Variants in CSMD1 observed in about 807,000 individuals in gnomAD.
CSMD1 encodes the protein CUB and Sushi multiple domains 1.
Under a neutral mutation model 417.5 loss-of-function variants are expected in CSMD1, and 213 were observed. That is an observed-to-expected ratio of 0.51 (90% confidence interval 0.46 to 0.57). The LOEUF is 0.57. CSMD1 is among the 20% of genes least tolerant of loss of function. CSMD1 has a pLI of 0.00. For synonymous variants in CSMD1, 2,862 were observed against 1,736.8 expected (o/e 1.65, Z -16.11); for missense variants, 6,923 against 4,529.7 (o/e 1.53, Z -15.17).
At chr8:4,325,565 G>C (rs183939426) in intron 3 of CSMD1, among the ~76,000 whole-genome samples, 3 of 152,260 alleles carry the variant, frequency 2.0e-5, no homozygotes, top group Non-Finnish European at 2.9e-5. Flanking sequence ...TACCTTGTTA[G>C]CTTTTCCGGT....
intron 7 of CSMD1, among the ~76,000 whole-genome samples, chr8:3,662,493 T>C (rs1357518060): frequency 6.6e-6 from 1 of 152,194 alleles, no homozygotes; most frequent in Non-Finnish European, 1.5e-5. Flanking sequence ...AGTGCTGCAA[T>C]AAACATATGT....
intron 3 of CSMD1, among the ~76,000 whole-genome samples, chr8:4,033,655 G>T (rs1004016430): frequency 6.6e-6 from 1 of 152,126 alleles, no homozygotes; most frequent in Non-Finnish European, 1.5e-5. Flanking sequence ...TGCGTCATGG[G>T]CCACTGATGA....
At chr8:3,527,747 C>T (rs764135359) in intron 10 of CSMD1, among the ~76,000 whole-genome samples, 2 of 152,160 alleles carry the variant, frequency 1.3e-5, no homozygotes, top group Non-Finnish European at 2.9e-5. Context: ...GAAGACAGGA[C>T]TTCTCTGTAC....
At chr8:3,167,563 G>C (rs560745748) in intron 37 of CSMD1, among the ~76,000 whole-genome samples, 2 of 152,308 alleles carry the variant, frequency 1.3e-5, no homozygotes, top group Admixed American at 6.5e-5. Flanking sequence ...GATACATTTT[G>C]TGTTCAATTC....
At chr8:4,716,952 CTT>C (rs896539897) in intron 1 of CSMD1, among the ~76,000 whole-genome samples, 2 of 151,904 alleles carry the variant, frequency 1.3e-5, no homozygotes, top group African/African-American at 2.4e-5. Context: ...AAAAATGAAA[CTT>C]AGTATAATTC....
intron 4 of CSMD1, among the ~76,000 whole-genome samples, chr8:4,009,268 A>T (rs1378174445): frequency 3.9e-5 from 6 of 152,224 alleles, no homozygotes; most frequent in African/African-American, 2.4e-5. Flanking sequence ...CAGACTTTTT[A>T]AAAAAGTGTA....
At chr8:3,613,702 A>AACAC (rs61391436) in intron 8 of CSMD1, among the ~76,000 whole-genome samples, 38,995 of 144,464 alleles carry the variant, frequency 0.27, 5,905 homozygotes, top group Middle Eastern at 0.41. Context: ...GTCAGATTAA[A>AACAC]ACACACACAC....
At chr8:4,144,993 G>A (rs113154331) in intron 3 of CSMD1, among the ~76,000 whole-genome samples, 54 of 151,044 alleles carry the variant, frequency 3.6e-4, no homozygotes, top group Non-Finnish European at 3.2e-4. Flanking sequence ...TTCATAAAAC[G>A]TTCTCTACTT....
intron 3 of CSMD1, among the ~76,000 whole-genome samples, chr8:4,207,228 C>A (rs562526188): frequency 8.5e-5 from 13 of 152,210 alleles, no homozygotes; most frequent in African/African-American, 2.9e-4. Context: ...GTATAACATG[C>A]AAATATAGCC....
chr8:3,475,767 C>G (rs1817370335), intron 11 of CSMD1, among the ~76,000 whole-genome samples: 1 of 152,136 alleles, frequency 6.6e-6, no homozygotes, highest in Non-Finnish European at 1.5e-5. Context: ...GCGGTTAACC[C>G]AAAATGAAGG....
chr8:3,381,914 G>C lies in CSMD1; in HGVS notation c.2782+5580C>G, dbSNP rs77512141. On this transcript the variant is annotated intron_variant, in intron 18 of 69. Transcript: ENST00000635120. ...AATTACATATATCTATACAGTATAT[G>C]CATATACACAACATGCATTGTTCTA... Among the ~76,000 whole-genome samples the C allele has an allele frequency of 9.3e-4, 141 of 152,214 alleles. 1 individual carries two copies. The highest frequency in any genetic ancestry group is 3.3e-3 in the African/African-American group (135 of 41,514).
chr8:3,738,671 A>G (rs34176838), intron 6 of CSMD1, among the ~76,000 whole-genome samples: 141,777 of 152,196 alleles, frequency 0.93, 66,877 homozygotes, highest in Non-Finnish European at 1. Context: ...ATAACAGATA[A>G]GTCTTTCTAC....
chr8:4,787,733 C>A (rs11549969), intron 1 of CSMD1: 8 of 1,589,388 alleles, frequency 5.0e-6, no homozygotes, highest in Admixed American at 1.7e-5. Flanking sequence ...CCACAGTGGT[C>A]TGAGGAACAG....
At chr8:4,275,714 C>T (rs372248114) in intron 3 of CSMD1, among the ~76,000 whole-genome samples, 6 of 152,116 alleles carry the variant, frequency 3.9e-5, no homozygotes, top group East Asian at 3.9e-4. Flanking sequence ...CAGTGTGATT[C>T]CATTCACAAT....
Position 2,938,708 on chromosome 8 carries a change from C to T in CSMD1, c.10572G>A (p.Gly3524=). ...ATGCTTGTCCATTGCTGTTTTCATG[C>T]CCAGCATAGCCATTGTATTGAACTT... ...RPKVQYNGYA[G]HENSNGQASF... is the part of the protein sequence containing the mutation. Residue 3524 remains glycine, a synonymous_variant, in exon 70 of 70, where the codon GGG becomes GGA. Coordinates refer to ENST00000635120, the MANE Select transcript of CSMD1 (RefSeq NM_033225.6). 6 of 1,611,088 alleles carry T rather than the reference C, an allele frequency of 3.7e-6. No individual in the cohort carries two copies. Among genetic ancestry groups the T allele is most frequent in the Non-Finnish European group, 4.2e-6 (5 of 1,178,512 alleles).
At chr8:3,450,244 C>T (rs1477335202) in intron 12 of CSMD1, among the ~76,000 whole-genome samples, 3 of 152,182 alleles carry the variant, frequency 2.0e-5, no homozygotes, top group Admixed American at 6.5e-5. Context: ...TGGTCTTTCT[C>T]TGTCATGACC....
At chr8:4,703,954 A>G (rs1807749145) in intron 1 of CSMD1, among the ~76,000 whole-genome samples, 1 of 152,140 alleles carries the variant, frequency 6.6e-6, no homozygotes, top group African/African-American at 2.4e-5. Flanking sequence ...CACAACCTAG[A>G]TCCCTCACAC....
At chr8:3,256,486 T>C (rs894092042) in intron 26 of CSMD1, among the ~76,000 whole-genome samples, 2 of 152,218 alleles carry the variant, frequency 1.3e-5, no homozygotes, top group Admixed American at 1.3e-4. Flanking sequence ...ATCTAGCTAC[T>C]ATATCTATAG....
At chr8:4,650,966 A>T (rs764661191) in intron 1 of CSMD1, among the ~76,000 whole-genome samples, 2 of 152,204 alleles carry the variant, frequency 1.3e-5, no homozygotes, top group Non-Finnish European at 2.9e-5. Context: ...TTGTACTCAT[A>T]AGTTAAATAT....
Sources: allele counts gnomAD v4.1 joint callset (sites outside exome capture counted in the v4.1 genomes callset), GRCh38; gene constraint gnomAD v4.1.1; transcripts MANE v1.5; gene names NCBI Gene and HGNC (gene_info 2026-07-23, HGNC 2026-07-21).